The following INTS13 variants were observed in gnomAD, a reference collection of about 807,000 sequenced individuals.
INTS13 encodes the protein integrator complex subunit 13.
A neutral mutation model predicts 90.2 loss-of-function variants in INTS13; 35 were observed. That is an observed-to-expected ratio of 0.39 (90% CI 0.30 to 0.51). INTS13 has a LOEUF of 0.51. INTS13 is among the 20% of genes least tolerant of loss of function. The pLI, the probability that INTS13 is intolerant of heterozygous loss-of-function variation, is 0.80. For synonymous variants in INTS13, 309 were observed against 277.1 expected, an observed-to-expected ratio of 1.11 and a Z score of -1.14; for missense variants, 601 against 851.2, an observed-to-expected ratio of 0.71 and a Z score of 3.66.
chr12:26,922,922 T>C (rs1205822264), intron 7 of INTS13, among the ~76,000 whole-genome samples: 1 of 152,146 alleles, frequency 6.6e-6, no homozygotes, highest in Non-Finnish European at 1.5e-5. Context: ...TATTTAATGA[T>C]TTTTTTACAT....
chr12:26,911,684 A>G (rs1425501706), intron 14 of INTS13, among the ~76,000 whole-genome samples: 1 of 152,238 alleles, frequency 6.6e-6, no homozygotes, highest in Non-Finnish European at 1.5e-5. Flanking sequence ...ATTACAAATA[A>G]GATTAATAAG....
chr12:26,923,568 AG>A (rs929746763), intron 7 of INTS13, among the ~76,000 whole-genome samples: 15 of 152,184 alleles, frequency 9.9e-5, no homozygotes, highest in African/African-American at 3.6e-4. Context: ...CATTCCACTC[AG>A]TAAAAACCCA....
At chr12:26,918,927 G>T (rs1292866003) in intron 8 of INTS13, 1 of 192,278 alleles carries the variant, frequency 5.2e-6, no homozygotes, top group Admixed American at 5.1e-5. Context: ...TCAGTGCTTT[G>T]TGAGTCCTAA....
Position 26,916,191 on chromosome 12 carries a change from C to A in INTS13, c.1070-11G>T. ...ATAAAACAGAACGACCTGTCAAAAA[C>A]AAGATTACACTATCAGTAATGAAAC... On this transcript the variant is annotated splice_polypyrimidine_tract_variant and intron_variant, in intron 10 of 16. Coordinates refer to ENST00000261191, the MANE Select transcript of INTS13 (RefSeq NM_018164.3). The A allele has an allele frequency of 6.3e-7, 1 of 1,595,076 alleles. No individual in the cohort carries two copies. Among genetic ancestry groups the A allele is most frequent in the Non-Finnish European group, 8.5e-7 (1 of 1,171,090 alleles).
In INTS13 at chr12:26,917,774, T is replaced by A. The variant is rs745433829; in HGVS notation, c.890-41A>T. On this transcript the variant is annotated intron_variant, in intron 8 of 16. Transcript: ENST00000261191. ...AGAGACATTACACATTGTATACATG[T>A]ATCAAAACATCACACTGTATCCCAT... 3 of 1,300,122 alleles carry A rather than the reference T, an allele frequency of 2.3e-6. No homozygotes were observed. The South Asian group carries it at 3.5e-5, about 15-fold the overall frequency. The allele number at this position is 1,300,122 out of a possible 1,614,324, so 80.5% of individuals were successfully genotyped here. A position where few individuals can be genotyped will look rare whatever the true frequency, so the allele number is the denominator to read the frequency against.
intron 6 of INTS13, 82 bp downstream of exon 6, chr12:26,925,679 T>C (rs1454214348): frequency 5.3e-6 from 6 of 1,131,354 alleles, no homozygotes; most frequent in Middle Eastern, 2.2e-4. Context: ...ATATTGGCAA[T>C]GGATCATTTT....
At chr12:26,916,997 T>A (rs915095079) in intron 10 of INTS13, among the ~76,000 whole-genome samples, 3 of 152,174 alleles carry the variant, frequency 2.0e-5, no homozygotes, top group African/African-American at 7.2e-5. Context: ...TCTATTTAAT[T>A]CTTCAAATCT....
At chr12:26,910,064 C>T (rs963628940) in intron 15 of INTS13, among the ~76,000 whole-genome samples, 97 of 152,246 alleles carry the variant, frequency 6.4e-4, no homozygotes, top group African/African-American at 2.3e-3. Flanking sequence ...ATCCTTGGTG[C>T]CTAGAATTCC....
Position 26,906,295 on chromosome 12 carries a change from C to T in INTS13, c.2081+7G>A. On this transcript the variant is annotated splice_region_variant and intron_variant, in intron 16 of 16. Transcript: ENST00000261191. ...CAAAACCAATTTTGACAATAAGTAA[C>T]ACAAACCCATTTTCCTCTTTAAGAT... is the stretch of plus-strand genomic sequence containing the variant. 4 of 1,596,630 alleles carry T rather than the reference C, an allele frequency of 2.5e-6. No individual in the cohort carries two copies. The highest frequency in any genetic ancestry group is 1.3e-5 in the African/African-American group (1 of 74,096).
Position 26,906,398 on chromosome 12 carries a change from T to C in INTS13, c.1985A>G (p.Asn662Ser). ...CTGATGTTTTCTGGAATTGGCAGTA[T>C]TGATTCTATTACTCCACAAGGATAA... ...SLLSLWSNRI[N>S]TANSRKHQEF... is the part of the protein sequence containing the mutation. The change falls in exon 16 of 17, where the codon AAT becomes AGT. Residue 662 changes from asparagine to serine, a missense_variant. Physicochemically the swap from Asn to Ser is conservative, Grantham distance 46. Transcript: ENST00000261191. The C allele has an allele frequency of 6.2e-7, 1 of 1,612,810 alleles. No individual in the cohort carries two copies. Among genetic ancestry groups the C allele is most frequent in the Non-Finnish European group, 8.5e-7 (1 of 1,179,216 alleles).
At chr12:26,911,048 TG>T in intron 15 of INTS13, 129 bp downstream of exon 15, 1 of 969,050 alleles carries the variant, frequency 1.0e-6, no homozygotes, top group Non-Finnish European at 1.5e-6. Flanking sequence ...CTGGCCAGGC[TG>T]GTCTTGAATT....
intron 8 of INTS13, among the ~76,000 whole-genome samples, chr12:26,922,096 A>G (rs961304049): frequency 1.3e-5 from 2 of 152,224 alleles, no homozygotes; most frequent in African/African-American, 4.8e-5. Context: ...TCCTTTGTCC[A>G]GCATATATAT....
intron 14 of INTS13, among the ~76,000 whole-genome samples, chr12:26,912,398 C>G (rs926484387): frequency 1.3e-5 from 2 of 152,122 alleles, no homozygotes; most frequent in East Asian, 3.9e-4. Flanking sequence ...GATCATGCCA[C>G]TGCATTCCAG....
At chr12:26,935,625 T>G (rs1159824113) in intron 2 of INTS13, among the ~76,000 whole-genome samples, 6 of 152,236 alleles carry the variant, frequency 3.9e-5, no homozygotes, top group Non-Finnish European at 7.3e-5. Context: ...CAGCTAGTAG[T>G]TAACCACGCC....
intron 2 of INTS13, 25 bp downstream of exon 2, chr12:26,936,554 G>T: frequency 6.6e-7 from 1 of 1,521,104 alleles, no homozygotes. Context: ...CCAAAATCAT[G>T]ATTTTGTTTG....
chr12:26,915,562 T>C (rs1345122041), intron 11 of INTS13, among the ~76,000 whole-genome samples: 1 of 152,068 alleles, frequency 6.6e-6, no homozygotes, highest in African/African-American at 2.4e-5. Context: ...GGAGGGAGAA[T>C]GAAAAATCAA....
chr12:26,920,728 T>C (rs775397347), intron 8 of INTS13, among the ~76,000 whole-genome samples: 5 of 152,198 alleles, frequency 3.3e-5, no homozygotes, highest in African/African-American at 2.4e-5. Context: ...ATTTTAAAAA[T>C]TGATATCACA....
At position 26,928,336 on chromosome 12, in the gene INTS13, A is replaced by G. The variant is rs779046088; in HGVS notation, c.504-51T>C. The stretch of plus-strand genomic sequence containing the variant: ...ATTTAAAGGAATAAACAGTAACAGA[A>G]AAAATTCAAAACACTCTTCCGCTTT... On this transcript the variant is annotated intron_variant, in intron 4 of 16. Coordinates refer to ENST00000261191, the MANE Select transcript of INTS13 (RefSeq NM_018164.3). The G allele has an allele frequency of 6.4e-6, 9 of 1,405,178 alleles. No individual in the cohort carries two copies. In the South Asian group the frequency reaches 1.1e-4, roughly 17 times the overall value. 87.0% of individuals were successfully genotyped at this position (1,405,178 alleles called of 1,614,324 possible).
Position 26,934,625 on chromosome 12 carries a change from AT to A in INTS13, c.230del (p.Asn77IlefsTer4). 1 of 1,611,546 alleles carries A rather than the reference AT, an allele frequency of 6.2e-7. No homozygotes were observed. Among genetic ancestry groups the A allele is most frequent in the Non-Finnish European group, 8.5e-7 (1 of 1,178,054 alleles). ...YDIFPFKKLV[N>X]FIVSDSGAHV... ...GTGCTCCAGAGTCACTCACAATAAA[AT>A]TCACCTAATAGATTCCAAAGAAACA... On this transcript the variant is annotated frameshift_variant, in exon 3 of 17. Transcript: ENST00000261191. LOFTEE classifies it high-confidence loss of function.
Sources: gnomAD v4.1 joint callset for allele counts (sites outside exome capture counted in the v4.1 genomes callset) on GRCh38, gnomAD v4.1.1 for gene constraint, MANE v1.5 for transcripts, NCBI Gene and HGNC (gene_info 2026-07-23, HGNC 2026-07-21) for gene names.